The following SGCZ variants were observed in gnomAD, a reference collection of about 807,000 sequenced individuals.
SGCZ encodes the protein sarcoglycan zeta.
SGCZ carries 40 observed loss-of-function variants against 41.3 expected under a neutral mutation model. That is an observed-to-expected ratio of 0.97 (90% CI 0.75 to 1.26). SGCZ has a LOEUF of 1.26. Among genes scored for constraint, SGCZ ranks in the 50% most tolerant of loss-of-function variants. The pLI is 0.00. For synonymous variants in SGCZ, 206 were observed against 137.5 expected (o/e 1.50, Z -3.49); for missense variants, 552 against 369.8 (o/e 1.49, Z -4.04).
chr8:14,195,332 G>C (rs1340810500), intron 4 of SGCZ, among the ~76,000 whole-genome samples: 1 of 152,012 alleles, frequency 6.6e-6, no homozygotes, highest in African/African-American at 2.4e-5. Context: ...AGACATTACA[G>C]CTGAAAATAT....
chr8:14,593,369 G>C (rs1210793520), intron 1 of SGCZ, among the ~76,000 whole-genome samples: 1 of 152,234 alleles, frequency 6.6e-6, no homozygotes, highest in Middle Eastern at 3.4e-3. Context: ...TTCTCCCCTT[G>C]ACCCTCCAGC....
intron 1 of SGCZ, among the ~76,000 whole-genome samples, chr8:14,610,460 C>G (rs1805891665): frequency 6.6e-6 from 1 of 152,132 alleles, no homozygotes; most frequent in Non-Finnish European, 1.5e-5. Flanking sequence ...TTTAGTTTAA[C>G]CTAACTCAAA....
chr8:15,116,733 A>G (rs953754530), intron 1 of SGCZ, among the ~76,000 whole-genome samples: 62 of 152,318 alleles, frequency 4.1e-4, no homozygotes, highest in African/African-American at 1.3e-3. Context: ...ACTATGCCAC[A>G]AAATGTTTTT....
At chr8:14,400,211 A>T (rs901073059) in intron 2 of SGCZ, among the ~76,000 whole-genome samples, 1 of 152,006 alleles carries the variant, frequency 6.6e-6, no homozygotes, top group African/African-American at 2.4e-5. Flanking sequence ...TATTTTTACT[A>T]TAAAATAATA....
intron 1 of SGCZ, among the ~76,000 whole-genome samples, chr8:14,807,662 A>G (rs892695266): frequency 2.0e-5 from 3 of 151,826 alleles, no homozygotes; most frequent in Admixed American, 6.6e-5. Flanking sequence ...TGCCCAAGGT[A>G]ATTTACAGAT....
intron 2 of SGCZ, among the ~76,000 whole-genome samples, chr8:14,471,780 A>G (rs1165091952): frequency 2.0e-5 from 3 of 152,124 alleles, no homozygotes; most frequent in Non-Finnish European, 4.4e-5. Flanking sequence ...GTGTTAATTT[A>G]AACATGAAAT....
intron 4 of SGCZ, among the ~76,000 whole-genome samples, chr8:14,181,798 A>G (rs563942053): frequency 6.6e-6 from 1 of 152,308 alleles, no homozygotes; most frequent in African/African-American, 2.4e-5. Context: ...TCAGTTAAAC[A>G]TCTTCCCTTT....
At chr8:14,350,684 C>T (rs1351404441) in intron 2 of SGCZ, among the ~76,000 whole-genome samples, 1 of 152,052 alleles carries the variant, frequency 6.6e-6, no homozygotes, top group Admixed American at 6.6e-5. Context: ...TGTGGAATTG[C>T]ATGACAGTTC....
intron 1 of SGCZ, among the ~76,000 whole-genome samples, chr8:14,819,546 C>T (rs1802010888): frequency 6.6e-6 from 1 of 152,038 alleles, no homozygotes; most frequent in South Asian, 2.1e-4. Flanking sequence ...AAGTATGAAA[C>T]TCTCCAACAA....
intron 1 of SGCZ, among the ~76,000 whole-genome samples, chr8:15,136,579 T>C (rs1808114751): frequency 6.6e-6 from 1 of 152,014 alleles, no homozygotes; most frequent in South Asian, 2.1e-4. Context: ...GGTAACTGAA[T>C]CATGGGGGTG....
Position 14,108,149 on chromosome 8 carries a change from G to T in SGCZ, c.620+14C>A. The stretch of plus-strand genomic sequence containing the variant: ...GATGGATTTTATGCCACAGGTATAA[G>T]AGGAAGCCCTTACCTGAGATCTTGG... On this transcript the variant is annotated intron_variant, in intron 6 of 7. Coordinates refer to ENST00000382080, the MANE Select transcript of SGCZ (RefSeq NM_139167.4). 6.2e-7 allele frequency: 1 copy of T among 1,613,654 alleles called. No individual in the cohort carries two copies. Among genetic ancestry groups the T allele is most frequent in the Non-Finnish European group, 8.5e-7 (1 of 1,179,666 alleles).
intron 1 of SGCZ, among the ~76,000 whole-genome samples, chr8:15,074,491 A>C (rs2131033233): frequency 6.6e-6 from 1 of 152,178 alleles, no homozygotes; most frequent in South Asian, 2.1e-4. Context: ...TTAAAGTAAA[A>C]ATTTTAAAAG....
At chr8:14,885,613 G>A (rs1804757227) in intron 1 of SGCZ, among the ~76,000 whole-genome samples, 1 of 151,960 alleles carries the variant, frequency 6.6e-6, no homozygotes, top group African/African-American at 2.4e-5. Context: ...TCTCTTAACT[G>A]ACATCTTAAA....
At chr8:15,138,790 A>G (rs1808211030) in intron 1 of SGCZ, among the ~76,000 whole-genome samples, 1 of 152,234 alleles carries the variant, frequency 6.6e-6, no homozygotes, top group South Asian at 2.1e-4. Flanking sequence ...GTGAGAAGAT[A>G]GTAATATAGA....
chr8:14,718,848 T>C lies in SGCZ; in HGVS notation c.40-163922A>G, dbSNP rs901516565. 9.1e-4 allele frequency among the ~76,000 whole-genome samples: 131 copies of C among 143,798 alleles called. 2 individuals are homozygous for C. In the Middle Eastern group the frequency reaches 0.028, roughly 31 times the overall value. 94.3% of individuals were successfully genotyped at this position (143,798 alleles called of 152,430 possible). On this transcript the variant is annotated intron_variant, in intron 1 of 7. Coordinates refer to ENST00000382080, the MANE Select transcript of SGCZ (RefSeq NM_139167.4). ...CTTTTTTTTTGTTTAAGAATATATA[T>C]ATATATTTTTATTATTATTATTATA...
chr8:14,877,405 A>G (rs983517586), intron 1 of SGCZ, among the ~76,000 whole-genome samples: 5 of 152,200 alleles, frequency 3.3e-5, no homozygotes, highest in African/African-American at 7.2e-5. Flanking sequence ...TGTATTATCA[A>G]ATCTGCTCCA....
chr8:15,224,580 C>T (rs1182911836), intron 1 of SGCZ, among the ~76,000 whole-genome samples: 1 of 151,990 alleles, frequency 6.6e-6, no homozygotes, highest in Non-Finnish European at 1.5e-5. Flanking sequence ...AAATAAAACC[C>T]AATATATTAG....
intron 1 of SGCZ, among the ~76,000 whole-genome samples, chr8:15,232,677 A>G (rs537994025): frequency 0.039 from 2,224 of 57,230 alleles, 76 homozygotes; most frequent in African/African-American, 0.092. Flanking sequence ...ATGTGTGTGT[A>G]TATATATATA....
intron 1 of SGCZ, among the ~76,000 whole-genome samples, chr8:14,894,333 T>C (rs776304037): frequency 6.6e-6 from 1 of 152,220 alleles, no homozygotes; most frequent in Non-Finnish European, 1.5e-5. Context: ...TTCTAAAATA[T>C]ATAAAGCACA....
Sources: gnomAD v4.1 joint callset for allele counts (sites outside exome capture counted in the v4.1 genomes callset) on GRCh38, gnomAD v4.1.1 for gene constraint, MANE v1.5 for transcripts, NCBI Gene and HGNC (gene_info 2026-07-23, HGNC 2026-07-21) for gene names.